Variants in ZNF730 observed in about 807,000 individuals in gnomAD.
ZNF730 encodes the protein zinc finger protein 730.
A neutral mutation model predicts 12.6 loss-of-function variants in ZNF730; 12 were observed. That is an observed-to-expected ratio of 0.95 (90% CI 0.61 to 1.54). The LOEUF (loss-of-function observed/expected upper bound fraction) is 1.54. Among genes scored for constraint, ZNF730 ranks in the 40% most tolerant of loss-of-function variants. The pLI is 0.00. For missense variants in ZNF730, 643 were observed against 583.5 expected (o/e 1.10, Z -1.05); for synonymous variants, 194 against 195.8 (o/e 0.99, Z 0.08).
At chr19:23,091,755 T>G (rs932210515) in intron 1 of ZNF730, among the ~76,000 whole-genome samples, 3 of 152,206 alleles carry the variant, frequency 2.0e-5, no homozygotes, top group Non-Finnish European at 4.4e-5. Context: ...CCCTATTGTA[T>G]CTAGGAAGTA....
At chr19:23,141,028 T>C (rs922965155) in intron 3 of ZNF730, among the ~76,000 whole-genome samples, 2 of 152,030 alleles carry the variant, frequency 1.3e-5, no homozygotes, top group African/African-American at 4.8e-5. Context: ...ATTAGGAGGC[T>C]AAGGCAAAAG....
chr19:23,099,495 T>A (rs1267922393), intron 1 of ZNF730, among the ~76,000 whole-genome samples: 1 of 152,196 alleles, frequency 6.6e-6, no homozygotes, highest in Non-Finnish European at 1.5e-5. Context: ...AGGTTCTGAA[T>A]CTCACATTGG....
chr19:23,102,459 G>T (rs1043326997), intron 1 of ZNF730, among the ~76,000 whole-genome samples: 14 of 151,690 alleles, frequency 9.2e-5, no homozygotes, highest in African/African-American at 3.4e-4. Flanking sequence ...CTAGCTCACA[G>T]GTGTGATGAT....
chr19:23,122,274 G>A (rs772601630), intron 1 of ZNF730, among the ~76,000 whole-genome samples: 4 of 151,516 alleles, frequency 2.6e-5, no homozygotes, highest in Non-Finnish European at 4.4e-5. Context: ...TCAAGTAGCT[G>A]GGATTACAGG....
intron 1 of ZNF730, among the ~76,000 whole-genome samples, chr19:23,076,847 A>C (rs1049062377): frequency 6.6e-6 from 1 of 152,202 alleles, no homozygotes; most frequent in African/African-American, 2.4e-5. Flanking sequence ...TATATACCCA[A>C]AATAATATAA....
intron 1 of ZNF730, chr19:23,127,083 T>G: frequency 1.9e-6 from 1 of 515,038 alleles, no homozygotes; most frequent in Non-Finnish European, 3.8e-6. Context: ...TGCAGCACTT[T>G]TGTGGGATCT....
Position 23,147,153 on chromosome 19 carries a change from C to A in ZNF730, c.*597C>A, listed in dbSNP as rs970857685. ...TATACAAGTGTAAAGAAAGTGAAAA[C>A]CCTATTAATATCTGCTCACATCAAC... is the stretch of plus-strand genomic sequence containing the variant. On this transcript the variant is annotated 3_prime_UTR_variant, in exon 4 of 4. Transcript: ENST00000597761. 5.7e-6 allele frequency: 1 copy of A among 174,880 alleles called. No homozygotes were observed. Among genetic ancestry groups the A allele is most frequent in the African/African-American group, 2.4e-5 (1 of 41,660 alleles). The allele number at this position is 174,880 out of a possible 1,614,324, so 10.8% of individuals were successfully genotyped here.
At chr19:23,102,535 G>A (rs1300098883) in intron 1 of ZNF730, among the ~76,000 whole-genome samples, 4 of 149,846 alleles carry the variant, frequency 2.7e-5, no homozygotes, top group South Asian at 2.1e-4. Flanking sequence ...TTGCTCTGTC[G>A]CCCAGGCTGG....
At chr19:23,109,754 G>A (rs1371612687) in intron 1 of ZNF730, among the ~76,000 whole-genome samples, 1 of 151,900 alleles carries the variant, frequency 6.6e-6, no homozygotes, top group Non-Finnish European at 1.5e-5. Context: ...TCACCATGTT[G>A]GCCAGTATGG....
chr19:23,093,083 C>G (rs376546294), intron 1 of ZNF730, among the ~76,000 whole-genome samples: 1 of 152,096 alleles, frequency 6.6e-6, no homozygotes, highest in Non-Finnish European at 1.5e-5. Context: ...CTCCGCCTCC[C>G]GGGTTCAAGT....
upstream of ZNF730, among the ~76,000 whole-genome samples, chr19:23,116,047 G>C (rs192350760): frequency 1.3e-5 from 2 of 152,372 alleles, no homozygotes; most frequent in Admixed American, 1.3e-4. Flanking sequence ...GTATGCATGT[G>C]ATTGGTCCTT....
intron 1 of ZNF730, among the ~76,000 whole-genome samples, chr19:23,122,714 T>C (rs1305791529): frequency 1.3e-5 from 2 of 152,242 alleles, no homozygotes; most frequent in African/African-American, 4.8e-5. Flanking sequence ...GTAGTGTTTG[T>C]AGACAACTTG....
Position 23,078,869 on chromosome 19 carries a change from A to G in ZNF730, c.-94+3482A>G, listed in dbSNP as rs573101431. On this transcript the variant is annotated intron_variant, in intron 1 of 2. Coordinates refer to the ZNF730 transcript ENST00000593635. The stretch of plus-strand genomic sequence containing the variant: ...GCCCAGACTGGAGTGCAGTGGCACA[A>G]TCTCGGCTCACTGCAACGTCCATCT... Among the ~76,000 whole-genome samples, 4 of 152,122 alleles carry G rather than the reference A, an allele frequency of 2.6e-5. No homozygotes were observed. The South Asian group carries it at 6.2e-4, about 24-fold the overall frequency.
In ZNF730 at chr19:23,145,890, A is replaced by T. The variant is rs1386142858; in HGVS notation, c.846A>T (p.Lys282Asn). Residue 282 changes from lysine (K) to asparagine (N), a missense_variant, in exon 4 of 4, where the codon AAA becomes AAT. By Grantham distance (94) the Lys-to-Asn change is moderately conservative. Coordinates refer to ENST00000597761, the MANE Select transcript of ZNF730 (RefSeq NM_001277403.2). ...TTHKRIHTGEKPYKCEECGKA... is the reference protein window; with the variant it reads ...TTHKRIHTGENPYKCEECGKA... ...ATAAAAGAATTCATACTGGAGAGAA[A>T]CCCTATAAATGTGAAGAATGTGGCA... 1.1e-5 allele frequency: 18 copies of T among 1,610,462 alleles called. No individual in the cohort carries two copies. Among genetic ancestry groups the T allele is most frequent in the Non-Finnish European group, 1.4e-5 (17 of 1,179,504 alleles).
At chr19:23,128,054 A>T (rs1184043802) in intron 1 of ZNF730, 1 of 764,224 alleles carries the variant, frequency 1.3e-6, no homozygotes, top group Non-Finnish European at 2.4e-6. Flanking sequence ...ACTGGCAATG[A>T]ATACAATGTG....
At chr19:23,133,789 A>G (rs1471792934) in intron 1 of ZNF730, among the ~76,000 whole-genome samples, 1 of 151,882 alleles carries the variant, frequency 6.6e-6, no homozygotes, top group Non-Finnish European at 1.5e-5. Flanking sequence ...TTTCTGTATG[A>G]TGTAAATATA....
chr19:23,112,344 C>G (rs993394085), upstream of ZNF730, among the ~76,000 whole-genome samples: 1 of 152,090 alleles, frequency 6.6e-6, no homozygotes, highest in African/African-American at 2.4e-5. Flanking sequence ...TAAAAAGCAT[C>G]TTTTGTGTGC....
intron 1 of ZNF730, among the ~76,000 whole-genome samples, chr19:23,099,793 T>C (rs1970308078): frequency 1.3e-5 from 2 of 152,168 alleles, no homozygotes; most frequent in Admixed American, 1.3e-4. Flanking sequence ...GATTGTGACA[T>C]GTGCCTCTGC....
At chr19:23,116,895 G>T, upstream of ZNF730, 5 of 463,128 alleles carry the variant, frequency 1.1e-5, no homozygotes, top group South Asian at 9.0e-5. Context: ...TCCAGCATCT[G>T]ATCACATCTG....
Sources: allele counts gnomAD v4.1 joint callset (sites outside exome capture counted in the v4.1 genomes callset), GRCh38; gene constraint gnomAD v4.1.1; transcripts MANE v1.5; gene names NCBI Gene and HGNC (gene_info 2026-07-23, HGNC 2026-07-21).